Variants in BIRC6 observed in about 807,000 individuals in gnomAD.
BIRC6 encodes the protein baculoviral IAP repeat containing 6, also known as dual E2 ubiquitin-conjugating enzyme/E3 ubiquitin-protein ligase BIRC6.
BIRC6 carries 98 observed loss-of-function variants against 503.3 expected under a neutral mutation model. The observed-to-expected ratio is 0.19, with a 90% confidence interval of 0.17 to 0.23. The LOEUF (loss-of-function observed/expected upper bound fraction) is 0.23. BIRC6 is among the 10% of genes least tolerant of loss of function. The probability of loss-of-function intolerance (pLI) is 1.00; values close to 1 mark genes in which losing one functional copy is unlikely to be tolerated. For synonymous variants in BIRC6, 2,240 were observed against 2,078.7 expected, an observed-to-expected ratio of 1.08 and a Z score of -2.11; for missense variants, 5,360 against 5,806.0, an observed-to-expected ratio of 0.92 and a Z score of 2.50.
At chr2:32,561,300 G>A (rs2059167587) in intron 65 of BIRC6, among the ~76,000 whole-genome samples, 1 of 150,944 alleles carries the variant, frequency 6.6e-6, no homozygotes, top group African/African-American at 2.4e-5. Context: ...GGAGGACAGT[G>A]GCACGATCTT....
At chr2:32,477,328 A>C (rs1558838505) in intron 34 of BIRC6, 40 bp from the exon 35 acceptor site, 1 of 1,583,496 alleles carries the variant, frequency 6.3e-7, no homozygotes, top group Admixed American at 1.8e-5. Flanking sequence ...ATTTTCATTA[A>C]GTAAACATTG....
At chr2:32,593,714 G>A (rs2151395864) in intron 66 of BIRC6, among the ~76,000 whole-genome samples, 1 of 152,182 alleles carries the variant, frequency 6.6e-6, no homozygotes, top group South Asian at 2.1e-4. Flanking sequence ...TTTATATAAT[G>A]TCTGTCTCTT....
At chr2:32,471,652 C>T (rs77090582) in intron 32 of BIRC6, among the ~76,000 whole-genome samples, 3,819 of 152,184 alleles carry the variant, frequency 0.025, 81 homozygotes, top group Non-Finnish European at 0.038. Context: ...TTACCCTCTT[C>T]CCAGTTAACA....
At position 32,448,909 on chromosome 2, in the gene BIRC6, T is replaced by C. The variant is rs748330937; in HGVS notation, c.4599T>C (p.Asp1533=). ...TTGGTGTCCAGTCAGATGAAATTGA[T>C]TTATCAGATGTCCTTTCAGGTAGTG... The part of the protein sequence containing the change: ...SSIGVQSDEI[D]LSDVLSGNGK... The change falls in exon 22 of 74, where the codon GAT becomes GAC. Residue 1533 remains aspartate (D), a synonymous_variant. Transcript: ENST00000421745. The C allele has an allele frequency of 1.9e-6, 3 of 1,612,800 alleles. No homozygotes were observed. Among genetic ancestry groups the C allele is most frequent in the Admixed American group, 1.7e-5 (1 of 59,862 alleles).
intron 50 of BIRC6, among the ~76,000 whole-genome samples, chr2:32,505,938 T>C (rs1234274341): frequency 6.6e-6 from 1 of 152,000 alleles, no homozygotes; most frequent in Non-Finnish European, 1.5e-5. Flanking sequence ...CCTTGACCCC[T>C]GAGGCTCAAA....
intron 3 of BIRC6, among the ~76,000 whole-genome samples, chr2:32,381,471 C>T (rs1380077384): frequency 2.0e-5 from 3 of 151,336 alleles, no homozygotes; most frequent in Non-Finnish European, 4.4e-5. Flanking sequence ...AACTCCCGAC[C>T]TCAGGTGATC....
At chr2:32,447,350 C>T (rs2046116216) in intron 21 of BIRC6, among the ~76,000 whole-genome samples, 1 of 151,492 alleles carries the variant, frequency 6.6e-6, no homozygotes, top group Non-Finnish European at 1.5e-5. Context: ...CGCCCCTCAC[C>T]TCCCGGATGG....
intron 65 of BIRC6, among the ~76,000 whole-genome samples, chr2:32,562,935 C>G (rs932700120): frequency 6.6e-6 from 1 of 152,170 alleles, no homozygotes; most frequent in Non-Finnish European, 1.5e-5. Flanking sequence ...TTTTGTTTCA[C>G]TGATCTATTT....
In BIRC6 at chr2:32,524,899, A is replaced by G; in HGVS notation, c.11635A>G (p.Ile3879Val). 1.4e-6 allele frequency: 2 copies of G among 1,479,754 alleles called. No homozygotes were observed. The highest frequency in any genetic ancestry group is 1.8e-6 in the Non-Finnish European group (2 of 1,103,456). The allele number at this position is 1,479,754 out of a possible 1,614,324, so 91.7% of individuals were successfully genotyped here. A position where few individuals can be genotyped will look rare whatever the true frequency, so the allele number is the denominator to read the frequency against. Reference sequence around the variant, plus strand: ...ATATCTTCTTACAGATACTCCAAGTATCACAGCTAAATTAATTAGTGAACA... The same window carrying G: ...ATATCTTCTTACAGATACTCCAAGTGTCACAGCTAAATTAATTAGTGAACA... The part of the protein sequence containing the change: ...VLDRVSDTPS[I>V]TAKLISEQKD... Residue 3879 changes from isoleucine to valine, a missense_variant, in exon 58 of 74, where the codon ATC (isoleucine) becomes GTC (valine). Physicochemically the swap from Ile to Val is conservative, Grantham distance 29. This residue lies in a region of BIRC6 where 878 missense variants were observed against 928.9 expected (regional missense o/e 0.95). Coordinates refer to ENST00000421745, the MANE Select transcript of BIRC6 (RefSeq NM_016252.4).
intron 65 of BIRC6, among the ~76,000 whole-genome samples, chr2:32,556,048 T>TG (rs1218253505): frequency 6.6e-6 from 1 of 152,214 alleles, no homozygotes. Context: ...TTAAAACACT[T>TG]GCCTATGTTT....
At chr2:32,494,532 T>C (rs1433640973) in intron 45 of BIRC6, among the ~76,000 whole-genome samples, 2 of 151,618 alleles carry the variant, frequency 1.3e-5, no homozygotes, top group Admixed American at 1.3e-4. Context: ...GGCCGAAAAG[T>C]TTTAATGAAT....
chr2:32,567,514 TTTC>T (rs2059616024), intron 65 of BIRC6, among the ~76,000 whole-genome samples: 1 of 152,244 alleles, frequency 6.6e-6, no homozygotes, highest in Non-Finnish European at 1.5e-5. Context: ...AATTCTTAGT[TTTC>T]TTACATTTTA....
chr2:32,554,872 C>A (rs1375648385), intron 65 of BIRC6, among the ~76,000 whole-genome samples: 1 of 151,636 alleles, frequency 6.6e-6, no homozygotes, highest in East Asian at 1.9e-4. Context: ...TTAAATATGA[C>A]CATATTTATT....
intron 6 of BIRC6, among the ~76,000 whole-genome samples, chr2:32,398,438 G>A (rs905112072): frequency 2.0e-5 from 3 of 152,098 alleles, no homozygotes; most frequent in South Asian, 2.1e-4. Flanking sequence ...GAAATCTTTC[G>A]TGTTAATAGA....
chr2:32,408,209 C>T (rs980842466), intron 9 of BIRC6, among the ~76,000 whole-genome samples: 1 of 152,172 alleles, frequency 6.6e-6, no homozygotes, highest in African/African-American at 2.4e-5. Context: ...CTCAGGTGAT[C>T]TGCCCACCTT....
At chr2:32,467,111 T>G (rs1367883784) in intron 26 of BIRC6, among the ~76,000 whole-genome samples, 2 of 136,462 alleles carry the variant, frequency 1.5e-5, no homozygotes, top group African/African-American at 5.6e-5. Flanking sequence ...AGATCGAGAC[T>G]CCGTCTCAAA....
chr2:32,436,420 A>T (rs2044704566), intron 15 of BIRC6, among the ~76,000 whole-genome samples: 1 of 152,178 alleles, frequency 6.6e-6, no homozygotes, highest in Middle Eastern at 3.2e-3. Flanking sequence ...AACGTTGAAG[A>T]AATGACTACA....
intron 59 of BIRC6, chr2:32,527,752 G>A (rs555344779): frequency 1.5e-4 from 23 of 152,356 alleles, no homozygotes; most frequent in African/African-American, 5.5e-4. Flanking sequence ...AGAAGTAGAT[G>A]TCAAAGAAGT....
intron 66 of BIRC6, among the ~76,000 whole-genome samples, chr2:32,583,087 A>G (rs908342460): frequency 1.7e-4 from 26 of 152,182 alleles, no homozygotes; most frequent in African/African-American, 5.5e-4. Flanking sequence ...TGGGATTGAT[A>G]TTTAGTGTAA....
Sources: allele counts gnomAD v4.1 joint callset (sites outside exome capture counted in the v4.1 genomes callset), GRCh38; gene constraint gnomAD v4.1.1; regional missense constraint gnomAD v4.1.1; transcripts MANE v1.5; gene names NCBI Gene and HGNC (gene_info 2026-07-23, HGNC 2026-07-21).